The following PLSCR3 variants were observed in gnomAD, a reference collection of about 807,000 sequenced individuals.
PLSCR3 encodes PL scramblase 3.
A neutral mutation model predicts 33.7 loss-of-function variants in PLSCR3; 17 were observed. The ratio of observed to expected loss-of-function variants is 0.50; its 90% CI spans 0.35 to 0.76. PLSCR3 has a LOEUF of 0.76. Among genes scored for constraint, PLSCR3 ranks in the 30% least tolerant of loss-of-function variants. The pLI is 0.01. For missense variants in PLSCR3, 360 were observed against 394.1 expected (o/e 0.91, Z 0.73); for synonymous variants, 166 against 166.0 (o/e 1.00, Z 0.00).
At chr17:7,393,123 C>T (rs1905863573) in intron 5 of PLSCR3, 21 bp downstream of exon 5, 3 of 1,315,842 alleles carry the variant, frequency 2.3e-6, no homozygotes, top group South Asian at 3.0e-5. Context: ...CCCGCCCTCC[C>T]GGCCCCCTCC....
Position 7,390,051 on chromosome 17 carries a change from A to C in PLSCR3, c.*334T>G. On this transcript the variant is annotated 3_prime_UTR_variant, in exon 8 of 8. Transcript: ENST00000619711. ...CCTTCCACACCCCAGCCCTCTTGTA[A>C]AACCCCAGAGTCCTGGGTTCCAGAG... 1 of 238,938 alleles carries C rather than the reference A, an allele frequency of 4.2e-6. No individual in the cohort carries two copies. Among genetic ancestry groups the C allele is most frequent in the Non-Finnish European group, 8.3e-6 (1 of 121,144 alleles). 14.8% of individuals were successfully genotyped at this position (238,938 alleles called of 1,614,324 possible). A position where few individuals can be genotyped will look rare whatever the true frequency, so the allele number is the denominator to read the frequency against.
rs1473808037 is a variant in PLSCR3, at chr17:7,393,631, C to T, written c.213G>A (p.Gly71=). ...CCAGGAATTCGAGGCCAGAAGGCAC[C>T]CCTGGCAGTGGCAAGAAGGGGGCAG... ...GSAAPFLPLP[G]VPSGLEFLVQ... The change falls in exon 3 of 8, where the codon GGG becomes GGA. Residue 71 remains glycine (G), a synonymous_variant. Transcript: ENST00000619711. 1 of 1,611,660 alleles carries T rather than the reference C, an allele frequency of 6.2e-7. No homozygotes were observed. The highest frequency in any genetic ancestry group is 1.7e-5 in the Admixed American group (1 of 59,972).
chr17:7,390,552 T>C (rs1905588306), intron 7 of PLSCR3, 82 bp downstream of exon 7: 1 of 1,584,892 alleles, frequency 6.3e-7, no homozygotes, highest in South Asian at 1.1e-5. Context: ...GACTTTCCCC[T>C]AGCAAGAGGC....
At chr17:7,393,402 C>T (rs1013134098) in intron 4 of PLSCR3, 38 bp from the exon 5 acceptor site, 7 of 1,613,134 alleles carry the variant, frequency 4.3e-6, no homozygotes, top group Non-Finnish European at 5.1e-6. Context: ...TAGAGCCTCG[C>T]GCGCCCAGGA....
At chr17:7,392,674 TCA>T (rs1905808430) in intron 6 of PLSCR3, 115 bp downstream of exon 6, 1 of 939,812 alleles carries the variant, frequency 1.1e-6, no homozygotes, top group Admixed American at 1.7e-5. Flanking sequence ...GCGGTCGGAG[TCA>T]CAGTGGATTT....
At chr17:7,390,533 C>T (rs771850451) in intron 7 of PLSCR3, 92 bp from the exon 8 acceptor site, 4 of 1,567,970 alleles carry the variant, frequency 2.6e-6, no homozygotes, top group Non-Finnish European at 3.5e-6. Context: ...CCCCACAACA[C>T]CTATTCCTGA....
chr17:7,392,438 C>T (rs1281661652), intron 6 of PLSCR3, among the ~76,000 whole-genome samples: 1 of 152,186 alleles, frequency 6.6e-6, no homozygotes, highest in Non-Finnish European at 1.5e-5. Context: ...ATCGTGCTTG[C>T]TCCAGGGCCT....
rs978308930 is a variant in PLSCR3, at chr17:7,391,058, C to T, written c.670-263G>A. Among the ~76,000 whole-genome samples, 5 of 152,064 alleles carry T rather than the reference C, an allele frequency of 3.3e-5. No individual in the cohort carries two copies. The highest frequency in any genetic ancestry group is 1.2e-4 in the African/African-American group (5 of 41,390). On this transcript the variant is annotated intron_variant, in intron 6 of 7. Coordinates refer to ENST00000619711, the MANE Select transcript of PLSCR3 (RefSeq NM_020360.4). The surrounding 1 kb of genome is among the most constrained non-coding windows in gnomAD (Gnocchi z 4.1). ...ACTCAGATCTGCTGCTATCGAAAGGCGACGCATGACATAACTGAACATCAG... is the reference window on the plus strand; with the variant it reads ...ACTCAGATCTGCTGCTATCGAAAGGTGACGCATGACATAACTGAACATCAG...
Position 7,394,066 on chromosome 17 carries a change from G to C in PLSCR3, c.7+38C>G. ...TCAAACCCGGCTCCCAAGTCCGTGG[G>C]GGGGATAACGGAGACCCCCAGACTT... On this transcript the variant is annotated intron_variant, in intron 2 of 7. Transcript: ENST00000619711. The surrounding 1 kb of genome is among the most constrained non-coding windows in gnomAD (Gnocchi z 5.3). The C allele has an allele frequency of 6.2e-7, 1 of 1,608,838 alleles. No homozygotes were observed. Among genetic ancestry groups the C allele is most frequent in the Non-Finnish European group, 8.5e-7 (1 of 1,176,972 alleles).
intron 6 of PLSCR3, 105 bp from the exon 7 acceptor site, chr17:7,390,900 A>T (rs1905634510): frequency 1.7e-6 from 2 of 1,150,714 alleles, no homozygotes; most frequent in Non-Finnish European, 2.5e-6. Flanking sequence ...CAGGGTCTCC[A>T]CTCAGTGAAT....
chr17:7,390,583 A>G (rs759949152), intron 7 of PLSCR3, 51 bp downstream of exon 7: 1 of 1,607,224 alleles, frequency 6.2e-7, no homozygotes, highest in Non-Finnish European at 8.5e-7. Flanking sequence ...ATAAAGCTTC[A>G]AATGACAGCA....
chr17:7,390,466 G>A (rs755389796), intron 7 of PLSCR3, 25 bp from the exon 8 acceptor site: 3 of 1,588,222 alleles, frequency 1.9e-6, no homozygotes, highest in African/African-American at 2.7e-5. Context: ...CTGTCAATGG[G>A]AGATCCGGCT....
Position 7,390,733 on chromosome 17 carries a change from G to T in PLSCR3, c.732C>A (p.Val244=). The T allele has an allele frequency of 6.2e-7, 1 of 1,614,166 alleles. No individual in the cohort carries two copies. ...GRISKQWGGL[V]REALTDADDF... Reference sequence around the variant, plus strand: ...CATCTGCATCTGTGAGGGCTTCTCGGACCAGGCCCCCCCACTGCTTGCTGA... The same window carrying T: ...CATCTGCATCTGTGAGGGCTTCTCGTACCAGGCCCCCCCACTGCTTGCTGA... The change falls in exon 7 of 8, where the codon GTC becomes GTA. Residue 244 remains valine (V), a synonymous_variant. Coordinates refer to ENST00000619711, the MANE Select transcript of PLSCR3 (RefSeq NM_020360.4).
intron 6 of PLSCR3, 143 bp from the exon 7 acceptor site, chr17:7,390,938 C>T (rs1410679766): frequency 1.1e-5 from 9 of 808,974 alleles, no homozygotes; most frequent in Non-Finnish European, 1.8e-5. Flanking sequence ...ACCGAGTGAT[C>T]GCTTTCCTAA....
Position 7,393,489 on chromosome 17 carries a change from G to T in PLSCR3, c.264C>A (p.His88Gln). The change falls in exon 4 of 8, where the codon CAC (histidine) becomes CAA (glutamine). Residue 88 changes from histidine to glutamine, a missense_variant. Transcript: ENST00000619711. The part of the protein sequence containing the change: ...FLVQIDQILI[H>Q]QKAERVETFL... ...TACTTTCCACTCGCTCAGCCTTCTGGTGAATCAAAATCTGATCAATCTGGA... is the reference window on the plus strand; with the variant it reads ...TACTTTCCACTCGCTCAGCCTTCTGTTGAATCAAAATCTGATCAATCTGGA... The T allele has an allele frequency of 6.2e-7, 1 of 1,614,118 alleles. No homozygotes were observed. Among genetic ancestry groups the T allele is most frequent in the Non-Finnish European group, 8.5e-7 (1 of 1,180,004 alleles).
rs1905679723 is a variant in PLSCR3, at chr17:7,391,406, A to C, written c.670-611T>G. On this transcript the variant is annotated intron_variant, in intron 6 of 7. Transcript: ENST00000619711. The surrounding 1 kb of genome is among the most constrained non-coding windows in gnomAD (Gnocchi z 4.1). The stretch of plus-strand genomic sequence containing the variant: ...ATCTACTGTGGAGAGAGGCAGCAGT[A>C]AGTAGCCTTTGAGGACCACAATTTC... 6.6e-6 allele frequency among the ~76,000 whole-genome samples: 1 copy of C among 152,230 alleles called. No homozygotes were observed. Among genetic ancestry groups the C allele is most frequent in the South Asian group, 2.1e-4 (1 of 4,834 alleles).
In PLSCR3 at chr17:7,393,126, C is replaced by T. The variant is rs1280632644; in HGVS notation, c.507+18G>A. ...GCCCCACCAAGGCCCGCCCTCCCGG[C>T]CCCCTCCCTCCGCCCACCTCCTGGA... On this transcript the variant is annotated intron_variant, in intron 5 of 7. Transcript: ENST00000619711. 2 of 1,407,844 alleles carry T rather than the reference C, an allele frequency of 1.4e-6. No homozygotes were observed. Among genetic ancestry groups the T allele is most frequent in the Non-Finnish European group, 1.9e-6 (2 of 1,071,894 alleles). The allele number at this position is 1,407,844 out of a possible 1,614,324, so 87.2% of individuals were successfully genotyped here. A position where few individuals can be genotyped will look rare whatever the true frequency, so the allele number is the denominator to read the frequency against.
rs781524795 is a variant in PLSCR3, at chr17:7,393,540, CT to C, written c.244-32del. The C allele has an allele frequency of 2.6e-4, 412 of 1,614,098 alleles. 1 individual carries two copies. The highest frequency in any genetic ancestry group is 2.0e-4 in the Non-Finnish European group (240 of 1,180,004). On this transcript the variant is annotated intron_variant, in intron 3 of 7. Coordinates refer to ENST00000619711, the MANE Select transcript of PLSCR3 (RefSeq NM_020360.4). ...AAGAGAGGGGCGGCGCGCACATCAG[CT>C]GGCCCATCTGGACGCCCAAGTCCCC...
Position 7,393,243 on chromosome 17 carries a change from C to G in PLSCR3, c.408G>C (p.Pro136=), listed in dbSNP as rs1009062991. ...CARLCCGARR[P]LRVRLADPGD... ...CGGGGTCGGCCAGGCGGACACGCAG[C>G]GGCCGGCGGGCGCCACAGCACAGAC... The change falls in exon 5 of 8, where the codon CCG becomes CCC. Residue 136 remains proline, a synonymous_variant. Transcript: ENST00000619711. The G allele has an allele frequency of 6.3e-7, 1 of 1,591,842 alleles. No homozygotes were observed. Among genetic ancestry groups the G allele is most frequent in the African/African-American group, 1.3e-5 (1 of 74,456 alleles).
Sources: allele counts gnomAD v4.1 joint callset (sites outside exome capture counted in the v4.1 genomes callset), GRCh38; gene constraint gnomAD v4.1.1; non-coding constraint Gnocchi (gnomAD v3.1); transcripts MANE v1.5; gene names NCBI Gene and HGNC (gene_info 2026-07-23, HGNC 2026-07-21).